Variants in MYOM3 observed in about 807,000 individuals in gnomAD.
MYOM3 encodes the protein myomesin 3.
MYOM3 carries 155 observed loss-of-function variants against 191.7 expected under a neutral mutation model. The observed-to-expected ratio is 0.81, with a 90% confidence interval of 0.71 to 0.92. The LOEUF (loss-of-function observed/expected upper bound fraction) is 0.92. MYOM3 is among the 40% of genes least tolerant of loss of function. The pLI is 0.00. For missense variants in MYOM3, 1,889 were observed against 1,890.6 expected (o/e 1.00, Z 0.02); for synonymous variants, 757 against 762.9 (o/e 0.99, Z 0.13).
chr1:24,087,417 C>T lies in MYOM3; in HGVS notation c.1615-590G>A, dbSNP rs11249132. Among the ~76,000 whole-genome samples, 11 of 151,984 alleles carry T rather than the reference C, an allele frequency of 7.2e-5. No individual in the cohort carries two copies. The highest frequency in any genetic ancestry group is 1.9e-4 in the East Asian group (1 of 5,136). ...TCCCTGTCTGCCCAGAACCCTCCCACGTCCCGCATCTCCCTCAGAGCAAAA... is the reference window on the plus strand; with the variant it reads ...TCCCTGTCTGCCCAGAACCCTCCCATGTCCCGCATCTCCCTCAGAGCAAAA... On this transcript the variant is annotated intron_variant, in intron 14 of 36. Coordinates refer to ENST00000374434, the MANE Select transcript of MYOM3 (RefSeq NM_152372.4). This position sits in a 1 kb window ranked among gnomAD's most constrained non-coding sequence, Gnocchi z 4.5.
intron 5 of MYOM3, 84 bp downstream of exon 5, chr1:24,105,836 A>G (rs1643977902): frequency 8.8e-6 from 12 of 1,365,168 alleles, no homozygotes; most frequent in South Asian, 2.9e-5. Context: ...GTCTGCAACA[A>G]GAAGTCCTGG....
At chr1:24,089,710 G>C in intron 13 of MYOM3, 45 bp from the exon 14 acceptor site, 1 of 1,534,252 alleles carries the variant, frequency 6.5e-7, no homozygotes, top group South Asian at 1.3e-5. Context: ...GACCCTCAGA[G>C]ACCCCCTAAT....
intron 9 of MYOM3, among the ~76,000 whole-genome samples, chr1:24,094,546 G>T (rs1330227121): frequency 1.3e-5 from 2 of 152,030 alleles, no homozygotes; most frequent in Non-Finnish European, 2.9e-5. Context: ...GGCTACAATT[G>T]TGCTGATGGC....
At chr1:24,108,750 G>A in intron 1 of MYOM3, 96 bp from the exon 2 acceptor site, 1 of 892,698 alleles carries the variant, frequency 1.1e-6, no homozygotes. Flanking sequence ...GCAGGATGGG[G>A]GGTGGGGGTG....
At chr1:24,110,532 G>A (rs1644030123) in intron 1 of MYOM3, among the ~76,000 whole-genome samples, 2 of 152,086 alleles carry the variant, frequency 1.3e-5, no homozygotes, top group African/African-American at 4.8e-5. Flanking sequence ...TCTGGGGCTC[G>A]GGCTGTGGAG....
intron 16 of MYOM3, 142 bp from the exon 17 acceptor site, chr1:24,082,856 C>T: frequency 9.7e-7 from 1 of 1,030,086 alleles, no homozygotes; most frequent in African/African-American, 1.7e-5. Flanking sequence ...AAAAATATTG[C>T]CCTTGATCCC....
intron 27 of MYOM3, among the ~76,000 whole-genome samples, 177 bp from the exon 28 acceptor site, chr1:24,067,265 TTTC>T (rs2148543726): frequency 6.8e-6 from 1 of 146,514 alleles, no homozygotes; most frequent in East Asian, 2.1e-4. Flanking sequence ...CGCAAATTTC[TTTC>T]TTTCTTTCTT....
chr1:24,086,513 T>C, intron 15 of MYOM3, 131 bp downstream of exon 15: 1 of 906,758 alleles, frequency 1.1e-6, no homozygotes, highest in Non-Finnish European at 1.6e-6. Flanking sequence ...TGAGATCAAA[T>C]TGCTTTTCAG....
At chr1:24,061,821 A>G (rs949597795) in intron 33 of MYOM3, 125 bp downstream of exon 33, 21 of 1,022,814 alleles carry the variant, frequency 2.1e-5, no homozygotes, top group Non-Finnish European at 2.9e-5. Flanking sequence ...CAAACTCCAG[A>G]GCTCAAGCGA....
intron 5 of MYOM3, among the ~76,000 whole-genome samples, chr1:24,100,525 C>T (rs904238860): frequency 2.6e-5 from 4 of 152,194 alleles, no homozygotes; most frequent in Admixed American, 6.5e-5. Context: ...TGCCGCTCTT[C>T]CCAACCCCTG....
intron 2 of MYOM3, 75 bp from the exon 3 acceptor site, chr1:24,108,148 GC>G: frequency 7.3e-7 from 1 of 1,372,202 alleles, no homozygotes; most frequent in Non-Finnish European, 1.0e-6. Flanking sequence ...GGCTGCATCT[GC>G]CCACCTCAGC....
chr1:24,101,125 C>T (rs1459318539), intron 5 of MYOM3, among the ~76,000 whole-genome samples: 43 of 152,090 alleles, frequency 2.8e-4, no homozygotes, highest in South Asian at 2.1e-4. Flanking sequence ...CTCCTGATGA[C>T]ACCCTTTGCC....
At chr1:24,081,663 T>G in intron 18 of MYOM3, 2 of 622,606 alleles carry the variant, frequency 3.2e-6, no homozygotes, top group Non-Finnish European at 5.5e-6. Context: ...TCTGGGCTCA[T>G]GCAGTCCTCC....
intron 32 of MYOM3, among the ~76,000 whole-genome samples, chr1:24,062,835 TG>T (rs796366183): frequency 4.3e-4 from 65 of 152,352 alleles, no homozygotes; most frequent in African/African-American, 1.4e-3. Flanking sequence ...GATCCTGCTG[TG>T]GCCATAGAGT....
chr1:24,107,881 G>A (rs1643997832), intron 3 of MYOM3, 112 bp downstream of exon 3: 1 of 890,982 alleles, frequency 1.1e-6, no homozygotes, highest in African/African-American at 1.7e-5. Context: ...TCTAGATGTG[G>A]GATTTTGGGC....
intron 8 of MYOM3, 55 bp downstream of exon 8, chr1:24,095,387 G>A: frequency 3.9e-6 from 6 of 1,541,352 alleles, no homozygotes; most frequent in Non-Finnish European, 5.4e-6. Context: ...GTGGGGGTCG[G>A]GGAGCAAAGC....
intron 1 of MYOM3, 55 bp from the exon 2 acceptor site, chr1:24,108,709 A>G (rs1242167740): frequency 2.2e-6 from 3 of 1,342,354 alleles, no homozygotes; most frequent in Admixed American, 5.8e-5. Context: ...ATCCCCTCCC[A>G]TGCAGTCTTC....
intron 15 of MYOM3, among the ~76,000 whole-genome samples, chr1:24,085,300 GGA>G (rs1643725325): frequency 6.6e-6 from 1 of 151,676 alleles, no homozygotes; most frequent in Non-Finnish European, 1.5e-5. Context: ...ATGGATGGAT[GGA>G]TGGATGGATG....
intron 35 of MYOM3, among the ~76,000 whole-genome samples, chr1:24,059,704 G>C (rs1358723480): frequency 1.3e-5 from 2 of 152,214 alleles, no homozygotes; most frequent in Non-Finnish European, 2.9e-5. Flanking sequence ...AAAAACAGAA[G>C]CTTTTGGGAC....
Sources: gnomAD v4.1 joint callset for allele counts (sites outside exome capture counted in the v4.1 genomes callset) on GRCh38, gnomAD v4.1.1 for gene constraint, Gnocchi (gnomAD v3.1) non-coding constraint, MANE v1.5 for transcripts, NCBI Gene and HGNC (gene_info 2026-07-23, HGNC 2026-07-21) for gene names.